The following GPHN variants were observed in gnomAD, a reference collection of about 807,000 sequenced individuals.
The protein encoded by GPHN is gephyrin.
A neutral mutation model predicts 95.5 loss-of-function variants in GPHN; 17 were observed. The observed-to-expected ratio is 0.18, with a 90% confidence interval of 0.12 to 0.27. GPHN has a LOEUF of 0.27. GPHN is among the 10% of genes least tolerant of loss of function. The probability of loss-of-function intolerance (pLI) is 1.00; values close to 1 mark genes in which losing one functional copy is unlikely to be tolerated. For missense variants in GPHN, 660 were observed against 978.1 expected (o/e 0.67, Z 4.34); for synonymous variants, 320 against 322.5 (o/e 0.99, Z 0.08).
intron 17 of GPHN, among the ~76,000 whole-genome samples, chr14:67,136,236 A>T (rs2080070818): frequency 6.6e-6 from 1 of 152,188 alleles, no homozygotes; most frequent in Non-Finnish European, 1.5e-5. Context: ...CTGCTAGGGT[A>T]CTTTGGGCCT....
chr14:66,906,957 A>G (rs564531370), intron 5 of GPHN, among the ~76,000 whole-genome samples: 122 of 152,248 alleles, frequency 8.0e-4, no homozygotes, highest in Non-Finnish European at 1.1e-3. Flanking sequence ...ACAAATATCA[A>G]TTCGATCCTG....
rs2077713032 is a variant in GPHN at position 67,101,849 on chromosome 14, A to ATTTATTTAT, written c.1293+940_1293+941insTATTTATTT. Among the ~76,000 whole-genome samples the ATTTATTTAT allele has an allele frequency of 2.7e-5, 4 of 145,568 alleles. No individual in the cohort carries two copies. The East Asian group carries it at 6.1e-4, about 22-fold the overall frequency. ...AATAACATATATCATTGGTTTATGT[A>ATTTATTTAT]TTATTTATTTATTTATTTATTTATT... On this transcript the variant is annotated intron_variant, in intron 13 of 22. Transcript: ENST00000478722.
At chr14:66,692,242 A>G (rs543332719) in intron 2 of GPHN, among the ~76,000 whole-genome samples, 2 of 152,210 alleles carry the variant, frequency 1.3e-5, no homozygotes, top group Admixed American at 1.3e-4. Context: ...AAAACATGCA[A>G]TTTTTATTAC....
At chr14:67,137,634 G>A (rs1374733748) in intron 17 of GPHN, among the ~76,000 whole-genome samples, 3 of 151,978 alleles carry the variant, frequency 2.0e-5, no homozygotes, top group Admixed American at 6.5e-5. Context: ...GTGTGGTGGC[G>A]CACTCTTGTG....
the GPHN span, among the ~76,000 whole-genome samples, chr14:67,593,046 C>G: frequency 6.6e-6 from 1 of 152,234 alleles, no homozygotes; most frequent in Non-Finnish European, 1.5e-5. Context: ...CTTGGCCTCC[C>G]AAAGTGCTGG....
the GPHN span, among the ~76,000 whole-genome samples, chr14:67,307,945 T>G: frequency 6.6e-6 from 1 of 151,522 alleles, no homozygotes; most frequent in Non-Finnish European, 1.5e-5. Flanking sequence ...ATGGATGGAG[T>G]TGGAGGCCAT....
intron 4 of GPHN, among the ~76,000 whole-genome samples, chr14:66,836,556 C>T (rs1247819650): frequency 7.3e-6 from 1 of 136,848 alleles, no homozygotes; most frequent in African/African-American, 3.1e-5. Context: ...GTCTAAAACA[C>T]CAAAAGCAAT....
At chr14:67,714,722 G>A in the GPHN span, 1,001 of 152,342 alleles carry the variant, frequency 6.6e-3, 4 homozygotes, top group Admixed American at 0.011. Context: ...ATGGTATTAG[G>A]GACTGAAATG....
the GPHN span, chr14:67,335,854 C>G: frequency 6.6e-6 from 1 of 152,272 alleles, no homozygotes; most frequent in Non-Finnish European, 1.5e-5. Flanking sequence ...CTCGGCCACT[C>G]AAGGTTTCCA....
the GPHN span, among the ~76,000 whole-genome samples, chr14:67,230,043 C>G: frequency 6.6e-6 from 1 of 152,202 alleles, no homozygotes. Flanking sequence ...CGTAAACCAA[C>G]AGTTTCTAAT....
chr14:66,855,567 G>T (rs182009579), intron 4 of GPHN, among the ~76,000 whole-genome samples: 3 of 152,242 alleles, frequency 2.0e-5, no homozygotes, highest in Non-Finnish European at 4.4e-5. Flanking sequence ...TTTTGGCTAT[G>T]GGGATAGTGC....
chr14:67,397,780 T>A, the GPHN span: 1 of 1,613,316 alleles, frequency 6.2e-7, no homozygotes, highest in Non-Finnish European at 8.5e-7. Context: ...CAGCGTGTTC[T>A]GCCGAAGGAT....
the GPHN span, chr14:67,575,694 C>T: frequency 1.3e-6 from 1 of 766,352 alleles, no homozygotes; most frequent in Non-Finnish European, 2.2e-6. Context: ...ATGCTATAGT[C>T]TCCACCTCCC....
intron 9 of GPHN, among the ~76,000 whole-genome samples, chr14:66,998,270 C>T (rs1420429996): frequency 6.6e-6 from 1 of 152,042 alleles, no homozygotes; most frequent in Non-Finnish European, 1.5e-5. Context: ...GTTTCTCTTT[C>T]TGTCACTCGT....
chr14:67,408,858 C>G, the GPHN span, among the ~76,000 whole-genome samples: 1 of 152,072 alleles, frequency 6.6e-6, no homozygotes, highest in African/African-American at 2.4e-5. Context: ...ACATATTCAA[C>G]ATCTGCATAA....
chr14:67,061,919 C>T (rs749113703), intron 11 of GPHN, among the ~76,000 whole-genome samples: 58 of 152,266 alleles, frequency 3.8e-4, no homozygotes, highest in Non-Finnish European at 6.0e-4. Flanking sequence ...AGATGCTTCT[C>T]CTTTATGAAG....
chr14:66,749,112 G>A (rs1329923910), intron 2 of GPHN, among the ~76,000 whole-genome samples: 1 of 151,854 alleles, frequency 6.6e-6, no homozygotes, highest in African/African-American at 2.4e-5. Context: ...TATAGTGTGT[G>A]TCCTTTTCAG....
intron 1 of GPHN, among the ~76,000 whole-genome samples, chr14:66,517,703 C>G (rs1296325515): frequency 6.6e-6 from 1 of 152,130 alleles, no homozygotes; most frequent in East Asian, 1.9e-4. Context: ...AGGACAGTAT[C>G]TTCAAGAAAT....
the GPHN span, among the ~76,000 whole-genome samples, chr14:67,209,262 T>A: frequency 1.3e-5 from 2 of 152,028 alleles, no homozygotes; most frequent in African/African-American, 4.8e-5. Context: ...AATAAACCAA[T>A]ACAATATATT....
Sources: allele counts gnomAD v4.1 joint callset (sites outside exome capture counted in the v4.1 genomes callset), GRCh38; gene constraint gnomAD v4.1.1; transcripts MANE v1.5; gene names NCBI Gene and HGNC (gene_info 2026-07-23, HGNC 2026-07-21).